Variants in NRXN3 observed in about 807,000 individuals in gnomAD.
NRXN3 encodes the protein neurexin III.
NRXN3 carries 32 observed loss-of-function variants against 137.6 expected under a neutral mutation model. The observed-to-expected ratio is 0.23, with a 90% CI of 0.18 to 0.31. The LOEUF is 0.31. Ranked by LOEUF, NRXN3 falls within the 10% of genes least tolerant of loss-of-function variation. The pLI is 1.00. For synonymous variants in NRXN3, 798 were observed against 784.5 expected (o/e 1.02, Z -0.29); for missense variants, 1,574 against 2,062.5 (o/e 0.76, Z 4.59).
intron 15 of NRXN3, among the ~76,000 whole-genome samples, chr14:79,139,913 A>T (rs563534903): frequency 4.2e-4 from 63 of 149,520 alleles, no homozygotes; most frequent in Non-Finnish European, 7.7e-4. Context: ...ATATGCATAT[A>T]TATATATATA....
chr14:79,454,678 A>G (rs2096234252), intron 15 of NRXN3, among the ~76,000 whole-genome samples: 1 of 152,128 alleles, frequency 6.6e-6, no homozygotes, highest in African/African-American at 2.4e-5. Flanking sequence ...AGGCTATATA[A>G]TTTTGCCATT....
chr14:78,806,753 A>T (rs934589927), intron 9 of NRXN3, among the ~76,000 whole-genome samples: 1 of 152,174 alleles, frequency 6.6e-6, no homozygotes, highest in Non-Finnish European at 1.5e-5. Context: ...TTGACTATTG[A>T]TCAACCATAT....
chr14:79,853,068 C>A (rs1243924669), intron 20 of NRXN3, among the ~76,000 whole-genome samples: 1 of 152,066 alleles, frequency 6.6e-6, no homozygotes, highest in Non-Finnish European at 1.5e-5. Flanking sequence ...TTGCCAATTG[C>A]GTGCAACATG....
rs570278966 is a variant in NRXN3 at position 79,140,938 on chromosome 14, A to G, written c.3262+152797A>G. Among the ~76,000 whole-genome samples the G allele has an allele frequency of 1.5e-3, 224 of 152,300 alleles. 1 individual carries two copies. The highest frequency in any genetic ancestry group is 3.4e-3 in the Middle Eastern group (1 of 294). ...CAAACACATAGAAACACACATACAC[A>G]ATACAAATGTATATATATTTTGTAT... On this transcript the variant is annotated intron_variant, in intron 15 of 20. Coordinates refer to ENST00000335750, the MANE Select transcript of NRXN3 (RefSeq NM_001330195.2).
chr14:78,632,915 T>C (rs578131959), intron 4 of NRXN3, among the ~76,000 whole-genome samples: 1 of 151,864 alleles, frequency 6.6e-6, no homozygotes, highest in South Asian at 2.1e-4. Flanking sequence ...ATAGCAAAAA[T>C]AAAAAATCTT....
intron 4 of NRXN3, among the ~76,000 whole-genome samples, chr14:78,419,961 GCA>G (rs1256574515): frequency 0.039 from 1,923 of 49,230 alleles, 49 homozygotes; most frequent in African/African-American, 0.082. Flanking sequence ...GCGCGCGCAC[GCA>G]CACACACACA....
chr14:79,382,114 T>G (rs966225554), intron 15 of NRXN3, among the ~76,000 whole-genome samples: 5 of 152,178 alleles, frequency 3.3e-5, no homozygotes, highest in African/African-American at 1.2e-4. Flanking sequence ...TAGAATCCTT[T>G]TCATTGAGTT....
At chr14:79,002,898 G>A (rs375396653) in intron 15 of NRXN3, among the ~76,000 whole-genome samples, 32 of 152,166 alleles carry the variant, frequency 2.1e-4, no homozygotes, top group East Asian at 5.8e-4. Context: ...TGATAAGTCC[G>A]TATAATTTAA....
chr14:79,202,074 C>CT (rs557399504), intron 15 of NRXN3, among the ~76,000 whole-genome samples: 5,240 of 142,752 alleles, frequency 0.037, 213 homozygotes, highest in African/African-American at 0.1. Flanking sequence ...TGTGTGTTAT[C>CT]TTTTTTTTTT....
chr14:79,148,463 C>T (rs1232161813), intron 15 of NRXN3, among the ~76,000 whole-genome samples: 1 of 152,132 alleles, frequency 6.6e-6, no homozygotes, highest in African/African-American at 2.4e-5. Context: ...GTTTGCACTT[C>T]TAGCTCTATA....
intron 15 of NRXN3, among the ~76,000 whole-genome samples, chr14:78,993,142 G>T (rs2099522313): frequency 6.6e-6 from 1 of 152,230 alleles, no homozygotes; most frequent in African/African-American, 2.4e-5. Context: ...TTCTGCAGGA[G>T]TGGCTATTAA....
intron 2 of NRXN3, among the ~76,000 whole-genome samples, chr14:78,255,169 G>GAAAAAAAAA (rs35233538): frequency 1.2e-5 from 1 of 86,120 alleles, no homozygotes. Context: ...CACAGCAGCA[G>GAAAAAAAAA]AAAAAAAAAA....
chr14:78,535,357 C>T (rs1216686989), intron 4 of NRXN3, among the ~76,000 whole-genome samples: 1 of 152,146 alleles, frequency 6.6e-6, no homozygotes, highest in African/African-American at 2.4e-5. Context: ...ATAACAGGCA[C>T]CTCCCCATTC....
At chr14:79,142,533 A>G (rs1057448086) in intron 15 of NRXN3, among the ~76,000 whole-genome samples, 2 of 152,154 alleles carry the variant, frequency 1.3e-5, no homozygotes, top group African/African-American at 2.4e-5. Context: ...CAATGATCCA[A>G]TATGGTTGAA....
intron 17 of NRXN3, among the ~76,000 whole-genome samples, chr14:79,682,171 CTCTTT>C (rs970081609): frequency 1.3e-5 from 2 of 151,916 alleles, no homozygotes; most frequent in African/African-American, 2.4e-5. Context: ...TCTCCCTTTC[CTCTTT>C]TCTTCTTTTC....
intron 15 of NRXN3, among the ~76,000 whole-genome samples, chr14:79,194,305 C>T (rs1318110104): frequency 8.5e-5 from 13 of 152,142 alleles, no homozygotes; most frequent in Non-Finnish European, 1.9e-4. Context: ...CTTCTTTTTC[C>T]TCCCTCTGTT....
chr14:78,741,493 T>C (rs1351355386), intron 8 of NRXN3, among the ~76,000 whole-genome samples: 1 of 150,580 alleles, frequency 6.6e-6, no homozygotes, highest in Non-Finnish European at 1.5e-5. Context: ...TTACTGTGTA[T>C]TTTTTTGTTT....
intron 16 of NRXN3, among the ~76,000 whole-genome samples, chr14:79,630,154 T>G (rs890300327): frequency 1.3e-5 from 2 of 152,180 alleles, no homozygotes; most frequent in Admixed American, 6.5e-5. Flanking sequence ...GGGTATTATT[T>G]AGCTCACTGG....
chr14:78,276,078 G>C (rs2073549480), intron 2 of NRXN3, among the ~76,000 whole-genome samples: 1 of 152,186 alleles, frequency 6.6e-6, no homozygotes, highest in Non-Finnish European at 1.5e-5. Context: ...CAGTGCCACA[G>C]TTAGGAACTG....
Sources: gnomAD v4.1 joint callset for allele counts (sites outside exome capture counted in the v4.1 genomes callset) on GRCh38, gnomAD v4.1.1 for gene constraint, MANE v1.5 for transcripts, NCBI Gene and HGNC (gene_info 2026-07-23, HGNC 2026-07-21) for gene names.